FRS2: variants seen among roughly 807,000 people sequenced by gnomAD.
The protein encoded by FRS2 is FGFR signalling adaptor.
Under a neutral mutation model 43.9 loss-of-function variants are expected in FRS2, and 8 were observed. The ratio of observed to expected loss-of-function variants is 0.18; its 90% CI spans 0.11 to 0.33. FRS2 has a LOEUF of 0.33. Ranked by LOEUF, FRS2 falls within the 10% of genes least tolerant of loss-of-function variation. The probability of loss-of-function intolerance (pLI) is 1.00; values close to 1 mark genes in which losing one functional copy is unlikely to be tolerated. For synonymous variants in FRS2, 219 were observed against 220.3 expected (o/e 0.99, Z 0.05); for missense variants, 534 against 627.6 (o/e 0.85, Z 1.59).
At chr12:69,557,631 C>CGCGCGT (rs1555192589) in intron 3 of FRS2, among the ~76,000 whole-genome samples, 1 of 121,004 alleles carries the variant, frequency 8.3e-6, no homozygotes, top group African/African-American at 3.3e-5. Context: ...CGCGCGCGCG[C>CGCGCGT]GCGCGCAGGT....
intron 1 of FRS2, among the ~76,000 whole-genome samples, chr12:69,483,108 A>G (rs1208926121): frequency 6.6e-6 from 1 of 152,258 alleles, no homozygotes; most frequent in Non-Finnish European, 1.5e-5. Flanking sequence ...CAACGAAAAC[A>G]TCTTACATAG....
chr12:69,491,504 C>CTTTTT (rs1181575947), intron 1 of FRS2: 1 of 113,968 alleles, frequency 8.8e-6, no homozygotes. Context: ...GCGTTTCTTC[C>CTTTTT]ATTTTTTTTT....
In FRS2 at chr12:69,576,756, T is replaced by C. The variant is rs941414069; in HGVS notation, c.*1801T>C. The C allele has an allele frequency of 3.3e-5, 5 of 152,556 alleles. No homozygotes were observed. Among genetic ancestry groups the C allele is most frequent in the African/African-American group, 1.2e-4 (5 of 41,424 alleles). 9.5% of individuals were successfully genotyped at this position (152,556 alleles called of 1,614,324 possible). A position where few individuals can be genotyped will look rare whatever the true frequency, so the allele number is the denominator to read the frequency against. The stretch of plus-strand genomic sequence containing the variant: ...TGTCTTTACTATAAATCAATATCAG[T>C]GTATTTTATCATTCTATGTGCATAG... On this transcript the variant is annotated 3_prime_UTR_variant, in exon 9 of 9. Transcript: ENST00000549921.
chr12:69,484,799 G>A (rs1871679971), intron 1 of FRS2, among the ~76,000 whole-genome samples: 1 of 152,044 alleles, frequency 6.6e-6, no homozygotes, highest in African/African-American at 2.4e-5. Flanking sequence ...GAATTTATAT[G>A]GCTAATAATG....
At chr12:69,493,864 C>T (rs1872666282) in intron 1 of FRS2, among the ~76,000 whole-genome samples, 1 of 152,162 alleles carries the variant, frequency 6.6e-6, no homozygotes, top group African/African-American at 2.4e-5. Context: ...AGGATTTAAT[C>T]AGGAAAATAT....
chr12:69,558,694 T>C (rs1879637384), intron 3 of FRS2, among the ~76,000 whole-genome samples: 1 of 152,170 alleles, frequency 6.6e-6, no homozygotes, highest in Non-Finnish European at 1.5e-5. Flanking sequence ...CTGTTCTGTA[T>C]TGAATGTTTT....
chr12:69,553,640 T>C (rs1879097645), intron 3 of FRS2, among the ~76,000 whole-genome samples: 1 of 151,932 alleles, frequency 6.6e-6, no homozygotes, highest in South Asian at 2.1e-4. Flanking sequence ...ACATCTGAAA[T>C]AGGATTTGAT....
Position 69,562,249 on chromosome 12 carries a change from C to T in FRS2, c.-52C>T. 5.0e-6 allele frequency: 2 copies of T among 398,384 alleles called. No homozygotes were observed. Among genetic ancestry groups the T allele is most frequent in the Non-Finnish European group, 8.9e-6 (2 of 225,946 alleles). The allele number at this position is 398,384 out of a possible 1,614,324, so 24.7% of individuals were successfully genotyped here. Reference sequence around the variant, plus strand: ...TAAACTCCTGATGCTGCAGCAGAGGCTAAGAATATTAATGGCCAGATCTAG... The same window carrying T: ...TAAACTCCTGATGCTGCAGCAGAGGTTAAGAATATTAATGGCCAGATCTAG... On this transcript the variant is annotated 5_prime_UTR_variant, in exon 4 of 9. Transcript: ENST00000549921.
intron 1 of FRS2, among the ~76,000 whole-genome samples, chr12:69,505,101 C>A (rs550336171): frequency 3.9e-5 from 6 of 152,184 alleles, no homozygotes; most frequent in African/African-American, 1.4e-4. Context: ...TCTAGTGATC[C>A]TCCCACCTTG....
At chr12:69,564,934 T>C (rs537706703) in intron 4 of FRS2, among the ~76,000 whole-genome samples, 2 of 152,350 alleles carry the variant, frequency 1.3e-5, no homozygotes, top group South Asian at 4.1e-4. Flanking sequence ...AACTCAAACA[T>C]TCAGTGTGGA....
At chr12:69,547,087 A>G (rs1469931096) in intron 3 of FRS2, among the ~76,000 whole-genome samples, 1 of 152,256 alleles carries the variant, frequency 6.6e-6, no homozygotes, top group East Asian at 1.9e-4. Flanking sequence ...CCTTGAAGAC[A>G]TTATGCAAAG....
intron 1 of FRS2, among the ~76,000 whole-genome samples, chr12:69,492,173 G>A (rs1872546256): frequency 6.6e-6 from 1 of 152,134 alleles, no homozygotes; most frequent in Non-Finnish European, 1.5e-5. Context: ...ACTTTATGTG[G>A]ATAGCCTGTA....
intron 1 of FRS2, among the ~76,000 whole-genome samples, chr12:69,515,838 C>T (rs187565044): frequency 1.9e-3 from 286 of 151,198 alleles, no homozygotes; most frequent in Non-Finnish European, 3.3e-3. Context: ...AGCCTCTCTA[C>T]CAGTTTACAT....
intron 3 of FRS2, among the ~76,000 whole-genome samples, chr12:69,561,608 T>A (rs1391519810): frequency 1.3e-5 from 2 of 152,222 alleles, no homozygotes; most frequent in Non-Finnish European, 2.9e-5. Flanking sequence ...CACTGTAATG[T>A]CACTGTTCTG....
At chr12:69,545,980 A>G (rs1177824678) in intron 3 of FRS2, among the ~76,000 whole-genome samples, 1 of 152,156 alleles carries the variant, frequency 6.6e-6, no homozygotes, top group Non-Finnish European at 1.5e-5. Context: ...TCAAAAGTAT[A>G]CAACTCTTGT....
chr12:69,575,258 C>T lies in FRS2; in HGVS notation c.*303C>T, dbSNP rs1221932842. The T allele has an allele frequency of 1.6e-5, 5 of 304,962 alleles. No homozygotes were observed. The highest frequency in any genetic ancestry group is 2.4e-5 in the Non-Finnish European group (4 of 165,074). The allele number at this position is 304,962 out of a possible 1,614,324, so 18.9% of individuals were successfully genotyped here. On this transcript the variant is annotated 3_prime_UTR_variant, in exon 9 of 9. Transcript: ENST00000549921. ...TTTTATCAATATTCTGGACTTAACG[C>T]ATACCTTTCATGTCTAAGTCATGGT...
intron 1 of FRS2, among the ~76,000 whole-genome samples, chr12:69,484,955 A>ATCAAAACCT: frequency 6.6e-6 from 1 of 152,242 alleles, no homozygotes; most frequent in South Asian, 2.1e-4. Flanking sequence ...AACAGAAGAC[A>ATCAAAACCT]TCAAAACCTG....
intron 1 of FRS2, among the ~76,000 whole-genome samples, chr12:69,496,662 T>G (rs1052314363): frequency 6.6e-6 from 1 of 152,246 alleles, no homozygotes; most frequent in Non-Finnish European, 1.5e-5. Flanking sequence ...AACTTGCAGT[T>G]GTATTAGTAG....
At chr12:69,513,310 A>C (rs1284843402) in intron 1 of FRS2, among the ~76,000 whole-genome samples, 1 of 151,938 alleles carries the variant, frequency 6.6e-6, no homozygotes, top group East Asian at 1.9e-4. Context: ...CTTTTTAAAA[A>C]CTATGCTTGA....
Sources: gnomAD v4.1 joint callset for allele counts (sites outside exome capture counted in the v4.1 genomes callset) on GRCh38, gnomAD v4.1.1 for gene constraint, MANE v1.5 for transcripts, NCBI Gene and HGNC (gene_info 2026-07-23, HGNC 2026-07-21) for gene names.